Variants in MALRD1 observed in about 807,000 individuals in gnomAD.
MALRD1 encodes the protein MAM and LDL receptor class A domain containing 1, also known as MAM and LDL-receptor class A domain-containing protein 1.
Under a neutral mutation model 242.1 loss-of-function variants are expected in MALRD1, and 247 were observed. The ratio of observed to expected loss-of-function variants is 1.02; its 90% CI spans 0.92 to 1.13. The LOEUF (loss-of-function observed/expected upper bound fraction) is 1.13, where lower values mean the gene tolerates loss of function less well. Ranked by LOEUF, MALRD1 falls within the 50% of genes most tolerant of loss-of-function variation. The pLI is 0.00. For synonymous variants in MALRD1, 995 were observed against 866.6 expected (o/e 1.15, Z -2.60); for missense variants, 2,989 against 2,533.1 (o/e 1.18, Z -3.86).
intron 31 of MALRD1, among the ~76,000 whole-genome samples, chr10:19,502,369 C>T (rs1246918567): frequency 6.6e-6 from 1 of 152,074 alleles, no homozygotes; most frequent in Non-Finnish European, 1.5e-5. Flanking sequence ...TAATGTTATG[C>T]ATTTTCAGAG....
At chr10:19,718,840 C>T (rs1834547974) in intron 38 of MALRD1, among the ~76,000 whole-genome samples, 1 of 151,622 alleles carries the variant, frequency 6.6e-6, no homozygotes, top group African/African-American at 2.4e-5. Flanking sequence ...AGACTGACTC[C>T]AGTAATTTTA....
intron 2 of MALRD1, among the ~76,000 whole-genome samples, chr10:19,079,008 T>G (rs902736441): frequency 6.6e-6 from 1 of 151,440 alleles, no homozygotes; most frequent in African/African-American, 2.4e-5. Flanking sequence ...TCTATTTTAT[T>G]TATTTCTTCT....
In MALRD1 at chr10:19,659,868, C is replaced by T. The variant is rs553687217; in HGVS notation, c.6138-32414C>T. On this transcript the variant is annotated intron_variant, in intron 36 of 39. Transcript: ENST00000454679. ...TCTACTGAGGTAGAAAATTTCCTAT[C>T]CATGCTATTTTGTCCCCTGATTTGC... 4.6e-5 allele frequency among the ~76,000 whole-genome samples: 7 copies of T among 152,198 alleles called. No homozygotes were observed. In the East Asian group the frequency reaches 7.7e-4, roughly 17 times the overall value.
At chr10:19,436,951 G>A (rs2496081) in intron 28 of MALRD1, among the ~76,000 whole-genome samples, 109,103 of 151,986 alleles carry the variant, frequency 0.72, 39,296 homozygotes, top group Non-Finnish European at 0.75. Context: ...ACCACTGACA[G>A]TCACTGATAG....
chr10:19,240,848 G>A (rs899903157), intron 18 of MALRD1, among the ~76,000 whole-genome samples: 1 of 151,906 alleles, frequency 6.6e-6, no homozygotes, highest in South Asian at 2.1e-4. Context: ...TCTTTCTATT[G>A]TGGTGGTGTA....
At chr10:19,358,441 C>T (rs1205486239) in intron 26 of MALRD1, among the ~76,000 whole-genome samples, 1 of 152,112 alleles carries the variant, frequency 6.6e-6, no homozygotes, top group Non-Finnish European at 1.5e-5. Context: ...GCAACTCAGT[C>T]AGAGTCCTGA....
chr10:19,449,104 A>G (rs1835164943), intron 28 of MALRD1, among the ~76,000 whole-genome samples: 2 of 152,228 alleles, frequency 1.3e-5, no homozygotes, highest in South Asian at 4.1e-4. Context: ...TTCATCAAAT[A>G]TAAATAATTT....
intron 9 of MALRD1, among the ~76,000 whole-genome samples, chr10:19,136,020 TAG>T (rs1833321894): frequency 6.6e-6 from 1 of 152,236 alleles, no homozygotes; most frequent in Non-Finnish European, 1.5e-5. Context: ...GTAAGTTGAA[TAG>T]AGTTTTATGT....
intron 24 of MALRD1, among the ~76,000 whole-genome samples, chr10:19,340,793 A>T (rs1390210961): frequency 6.6e-6 from 1 of 152,172 alleles, no homozygotes; most frequent in Non-Finnish European, 1.5e-5. Context: ...ATGTCATAGC[A>T]GTGCAAAATT....
intron 36 of MALRD1, among the ~76,000 whole-genome samples, chr10:19,647,649 A>G (rs1045207143): frequency 2.0e-5 from 3 of 152,190 alleles, no homozygotes; most frequent in African/African-American, 7.2e-5. Flanking sequence ...TGTGCAACTG[A>G]TAGAGCAAGA....
At chr10:19,334,410 TA>T (rs561227556) in intron 24 of MALRD1, among the ~76,000 whole-genome samples, 104 of 146,372 alleles carry the variant, frequency 7.1e-4, no homozygotes, top group East Asian at 3.4e-3. Context: ...AACTGAATCT[TA>T]AAAAAAAAAA....
intron 1 of MALRD1, among the ~76,000 whole-genome samples, chr10:19,058,735 A>G (rs567594028): frequency 1.6e-4 from 24 of 152,134 alleles, no homozygotes; most frequent in Non-Finnish European, 3.1e-4. Flanking sequence ...CAAACACACA[A>G]AAAGAGAAAT....
intron 14 of MALRD1, among the ~76,000 whole-genome samples, chr10:19,199,995 G>A (rs1324007938): frequency 6.6e-6 from 1 of 152,010 alleles, no homozygotes; most frequent in Non-Finnish European, 1.5e-5. Flanking sequence ...CAGTTGTGGT[G>A]GCATGCACCT....
Position 19,188,597 on chromosome 10 carries a change from C to G in MALRD1, c.1951+13269C>G, listed in dbSNP as rs920909381. The stretch of plus-strand genomic sequence containing the variant: ...ATGAATAGAGTGGCCTTCTTTTTGT[C>G]TGGTTTTATTTCTCAGTCTACGGAG... On this transcript the variant is annotated intron_variant, in intron 14 of 39. Transcript: ENST00000454679. Among the ~76,000 whole-genome samples the G allele has an allele frequency of 3.9e-5, 6 of 152,156 alleles. No homozygotes were observed. The East Asian group carries it at 1.2e-3, about 29-fold the overall frequency.
chr10:19,182,799 A>G (rs1240983725), intron 14 of MALRD1, among the ~76,000 whole-genome samples: 3 of 152,150 alleles, frequency 2.0e-5, no homozygotes, highest in Non-Finnish European at 4.4e-5. Flanking sequence ...AGGAGAAACG[A>G]TGCCCTTAGT....
chr10:19,642,709 GAGA>G (rs1359202167), intron 36 of MALRD1, among the ~76,000 whole-genome samples: 4 of 152,150 alleles, frequency 2.6e-5, no homozygotes, highest in African/African-American at 7.2e-5. Context: ...ACATTCCTAG[GAGA>G]AGATCTGAGG....
At chr10:19,139,266 G>C (rs1296088256) in intron 10 of MALRD1, among the ~76,000 whole-genome samples, 1 of 152,166 alleles carries the variant, frequency 6.6e-6, no homozygotes, top group African/African-American at 2.4e-5. Flanking sequence ...ACGTGCATAT[G>C]TATATTCTTA....
chr10:19,717,214 C>T (rs1317357428), intron 38 of MALRD1, among the ~76,000 whole-genome samples: 1 of 152,170 alleles, frequency 6.6e-6, no homozygotes, highest in Admixed American at 6.5e-5. Flanking sequence ...GCATGCAACT[C>T]AATCTCAGTG....
intron 30 of MALRD1, among the ~76,000 whole-genome samples, chr10:19,495,942 T>C (rs979524579): frequency 2.6e-5 from 4 of 152,100 alleles, no homozygotes; most frequent in Non-Finnish European, 5.9e-5. Context: ...TCAGACAAAA[T>C]AGACTTTAAA....
Sources: allele counts gnomAD v4.1 joint callset (sites outside exome capture counted in the v4.1 genomes callset), GRCh38; gene constraint gnomAD v4.1.1; transcripts MANE v1.5; gene names NCBI Gene and HGNC (gene_info 2026-07-23, HGNC 2026-07-21).